The following GRIK2 variants were observed in gnomAD, a reference collection of about 807,000 sequenced individuals.
The protein encoded by GRIK2 is glutamate ionotropic receptor kainate type subunit 2.
A neutral mutation model predicts 100.3 loss-of-function variants in GRIK2; 32 were observed. The observed-to-expected ratio is 0.32, with a 90% CI of 0.24 to 0.43. GRIK2 has a LOEUF of 0.43. GRIK2 is among the 20% of genes least tolerant of loss of function. GRIK2 has a pLI of 1.00. For synonymous variants in GRIK2, 417 were observed against 389.4 expected, an observed-to-expected ratio of 1.07 and a Z score of -0.83; for missense variants, 843 against 1,114.9, an observed-to-expected ratio of 0.76 and a Z score of 3.47.
intron 10 of GRIK2, among the ~76,000 whole-genome samples, chr6:101,836,804 T>C (rs1783150496): frequency 6.6e-6 from 1 of 150,998 alleles, no homozygotes; most frequent in Admixed American, 6.6e-5. Flanking sequence ...TAGCTGGGAC[T>C]ACAAATGCAC....
chr6:101,625,533 G>T (rs1780390905), intron 3 of GRIK2, among the ~76,000 whole-genome samples: 1 of 151,772 alleles, frequency 6.6e-6, no homozygotes, highest in African/African-American at 2.4e-5. Context: ...TATATTTAAA[G>T]ATAAGTTTTG....
intron 2 of GRIK2, among the ~76,000 whole-genome samples, chr6:101,585,162 A>G (rs1778295757): frequency 6.6e-6 from 1 of 152,084 alleles, no homozygotes; most frequent in Non-Finnish European, 1.5e-5. Flanking sequence ...CCCCAAAATA[A>G]TCAACATTAA....
chr6:101,646,026 A>T (rs918224353), intron 4 of GRIK2, among the ~76,000 whole-genome samples: 1 of 151,800 alleles, frequency 6.6e-6, no homozygotes, highest in Non-Finnish European at 1.5e-5. Context: ...TTTGCATTAC[A>T]TTAAGATGTG....
chr6:101,452,451 T>G (rs904569576), intron 2 of GRIK2, among the ~76,000 whole-genome samples: 4 of 27,740 alleles, frequency 1.4e-4, no homozygotes, highest in African/African-American at 3.7e-4. Flanking sequence ...ATTTTTGTGT[T>G]TTTTTTTTCA....
intron 12 of GRIK2, among the ~76,000 whole-genome samples, chr6:101,903,784 CAA>C (rs11411245): frequency 6.8e-6 from 1 of 147,866 alleles, no homozygotes; most frequent in Non-Finnish European, 1.5e-5. Flanking sequence ...GAAGTTGGAG[CAA>C]AAAAAAAAAT....
At chr6:101,564,481 T>G (rs754471698) in intron 2 of GRIK2, among the ~76,000 whole-genome samples, 1 of 152,198 alleles carries the variant, frequency 6.6e-6, no homozygotes, top group Non-Finnish European at 1.5e-5. Context: ...AAGAGCCAGA[T>G]GCCCAACCTG....
chr6:101,788,706 A>G (rs1271329307), intron 7 of GRIK2, among the ~76,000 whole-genome samples: 1 of 152,196 alleles, frequency 6.6e-6, no homozygotes, highest in African/African-American at 2.4e-5. Context: ...CATGATTTAT[A>G]GTCCTTTGGG....
intron 16 of GRIK2, among the ~76,000 whole-genome samples, chr6:102,058,874 G>A (rs138236685): frequency 3.6e-4 from 55 of 151,506 alleles, no homozygotes; most frequent in African/African-American, 1.3e-3. Flanking sequence ...TGTCAGATAT[G>A]TCAGATATAA....
At chr6:101,658,702 T>A (rs1256327910) in intron 4 of GRIK2, among the ~76,000 whole-genome samples, 2 of 152,222 alleles carry the variant, frequency 1.3e-5, no homozygotes, top group African/African-American at 4.8e-5. Flanking sequence ...TTCCTGACTT[T>A]TTAATGATCT....
intron 14 of GRIK2, among the ~76,000 whole-genome samples, chr6:101,980,269 C>T (rs1418899364): frequency 6.6e-6 from 1 of 151,898 alleles, no homozygotes; most frequent in Non-Finnish European, 1.5e-5. Flanking sequence ...TGATTCTTTC[C>T]AGTGGGATGA....
At chr6:101,907,728 C>CTT (rs11371802) in intron 12 of GRIK2, among the ~76,000 whole-genome samples, 1 of 151,428 alleles carries the variant, frequency 6.6e-6, no homozygotes, top group Admixed American at 6.6e-5. Context: ...TCTTTTTTAT[C>CTT]TTTTTTTCTT....
intron 7 of GRIK2, among the ~76,000 whole-genome samples, chr6:101,703,291 G>A (rs1481224154): frequency 6.6e-6 from 1 of 151,820 alleles, no homozygotes; most frequent in East Asian, 1.9e-4. Context: ...GTCAAGAAGA[G>A]AAAGAGAAGC....
intron 10 of GRIK2, among the ~76,000 whole-genome samples, chr6:101,843,356 C>A (rs564425258): frequency 1.3e-5 from 2 of 152,158 alleles, no homozygotes; most frequent in African/African-American, 4.8e-5. Context: ...TTGCTCCACA[C>A]TTTTCTTCAC....
intron 2 of GRIK2, among the ~76,000 whole-genome samples, chr6:101,409,935 T>C (rs1449073713): frequency 6.6e-6 from 1 of 152,082 alleles, no homozygotes; most frequent in Non-Finnish European, 1.5e-5. Context: ...TTAAAAATCT[T>C]CCTTGAAATA....
At chr6:101,623,687 G>A (rs1780289702) in intron 3 of GRIK2, among the ~76,000 whole-genome samples, 1 of 152,096 alleles carries the variant, frequency 6.6e-6, no homozygotes, top group Non-Finnish European at 1.5e-5. Context: ...AAGTCATGTG[G>A]TTTGACCAAA....
intron 2 of GRIK2, among the ~76,000 whole-genome samples, chr6:101,500,676 C>T (rs2128273244): frequency 6.6e-6 from 1 of 152,120 alleles, no homozygotes; most frequent in East Asian, 1.9e-4. Flanking sequence ...AAAGTACATA[C>T]TATAAAAGCA....
intron 7 of GRIK2, among the ~76,000 whole-genome samples, chr6:101,775,105 A>G (rs889793452): frequency 4.6e-5 from 7 of 152,174 alleles, no homozygotes; most frequent in African/African-American, 1.7e-4. Context: ...GTATTTGTGT[A>G]AGATAAACAT....
intron 2 of GRIK2, 132 bp downstream of exon 2, chr6:101,399,524 C>A: frequency 1.6e-6 from 1 of 638,498 alleles, no homozygotes; most frequent in South Asian, 1.9e-5. Context: ...TCTCCTGGGG[C>A]TTTTAAAGAA....
At chr6:102,063,998 G>A (rs762212157) in intron 16 of GRIK2, 2 of 1,560,358 alleles carry the variant, frequency 1.3e-6, no homozygotes, top group Non-Finnish European at 1.8e-6. Flanking sequence ...ATACCATCCA[G>A]ACACTGTTTA....
Sources: allele counts gnomAD v4.1 joint callset (sites outside exome capture counted in the v4.1 genomes callset), GRCh38; gene constraint gnomAD v4.1.1; transcripts MANE v1.5; gene names NCBI Gene and HGNC (gene_info 2026-07-23, HGNC 2026-07-21).